The following SSX2IP variants were observed in gnomAD, a reference collection of about 807,000 sequenced individuals.
The protein encoded by SSX2IP is SSX family member 2 interacting protein.
Under a neutral mutation model 84.9 loss-of-function variants are expected in SSX2IP, and 55 were observed. The ratio of observed to expected loss-of-function variants is 0.65; its 90% CI spans 0.52 to 0.81. SSX2IP has a LOEUF of 0.81. Among genes scored for constraint, SSX2IP ranks in the 30% least tolerant of loss-of-function variants. The pLI is 0.00. For missense variants in SSX2IP, 664 were observed against 705.2 expected (o/e 0.94, Z 0.66); for synonymous variants, 239 against 234.7 (o/e 1.02, Z -0.17).
At chr1:84,690,471 G>C (rs893386656), upstream of SSX2IP, 1 of 151,532 alleles carries the variant, frequency 6.6e-6, no homozygotes, top group Admixed American at 6.6e-5. Context: ...TCCCGCCCGC[G>C]GCCCCTCCTC....
chr1:84,651,455 C>T lies in SSX2IP; in HGVS notation c.1504+428G>A, dbSNP rs997044930. Among the ~76,000 whole-genome samples, 6 of 152,300 alleles carry T rather than the reference C, an allele frequency of 3.9e-5. No individual in the cohort carries two copies. In the South Asian group the frequency reaches 6.2e-4, roughly 16 times the overall value. On this transcript the variant is annotated intron_variant, in intron 12 of 13. Coordinates refer to ENST00000342203, the MANE Select transcript of SSX2IP (RefSeq NM_001166293.2). ...TATTAAAGTTGATTTTTAGGCCAGGCGCAGTGGCTCATGCCTAATCCCAGC... is the reference window on the plus strand; with the variant it reads ...TATTAAAGTTGATTTTTAGGCCAGGTGCAGTGGCTCATGCCTAATCCCAGC...
chr1:84,645,907 T>C lies in SSX2IP; in HGVS notation c.*1526A>G, dbSNP rs1429714419. The C allele has an allele frequency of 6.6e-6, 1 of 152,188 alleles. No individual in the cohort carries two copies. Among genetic ancestry groups the C allele is most frequent in the African/African-American group, 2.4e-5 (1 of 41,454 alleles). 9.4% of individuals were successfully genotyped at this position (152,188 alleles called of 1,614,324 possible). ...ACTATAAATATGGTTACTATGAGTATATCCACTAATGTCTCATAAGACACT... is the reference window on the plus strand; with the variant it reads ...ACTATAAATATGGTTACTATGAGTACATCCACTAATGTCTCATAAGACACT... On this transcript the variant is annotated 3_prime_UTR_variant, in exon 14 of 14. Coordinates refer to ENST00000342203, the MANE Select transcript of SSX2IP (RefSeq NM_001166293.2).
chr1:84,653,965 G>A (rs1650710240), intron 11 of SSX2IP, among the ~76,000 whole-genome samples: 1 of 152,052 alleles, frequency 6.6e-6, no homozygotes. Context: ...AAATTCTGAA[G>A]CAAAGACTCA....
At chr1:84,680,309 T>C (rs1276682356) in intron 1 of SSX2IP, 2 of 152,228 alleles carry the variant, frequency 1.3e-5, no homozygotes, top group Non-Finnish European at 2.9e-5. Flanking sequence ...CCAGACCATC[T>C]GGTTCCAAAC....
intron 1 of SSX2IP, among the ~76,000 whole-genome samples, chr1:84,674,365 C>T (rs187540230): frequency 1.0e-3 from 156 of 152,102 alleles, no homozygotes; most frequent in African/African-American, 3.6e-3. Context: ...CAAAATGTAC[C>T]GCTGCTCTTA....
At chr1:84,690,734 GCAGCTGCGGCTGCGGCAC>G (rs1189714625), upstream of SSX2IP, 1 of 151,724 alleles carries the variant, frequency 6.6e-6, no homozygotes, top group Non-Finnish European at 1.5e-5. Context: ...CGCTGCGGGC[GCAGCTGCGGCTGCGGCAC>G]CTGTTACGCC....
In SSX2IP at chr1:84,671,269, A is replaced by G; in HGVS notation, c.-50T>C. On this transcript the variant is annotated 5_prime_UTR_variant, in exon 2 of 14. It removes an upstream start codon present in the reference 5' UTR. Coordinates refer to ENST00000342203, the MANE Select transcript of SSX2IP (RefSeq NM_001166293.2). Reference sequence around the variant, plus strand: ...TGAGGAACTAGTTCAGCAGTTAAACATTTAGTCTAGCTGCTGTCACTCTTC... The same window carrying G: ...TGAGGAACTAGTTCAGCAGTTAAACGTTTAGTCTAGCTGCTGTCACTCTTC... 1 of 1,601,084 alleles carries G rather than the reference A, an allele frequency of 6.2e-7. No individual in the cohort carries two copies. The highest frequency in any genetic ancestry group is 1.3e-5 in the African/African-American group (1 of 74,436).
At chr1:84,687,452 G>C (rs145521538) in intron 1 of SSX2IP, among the ~76,000 whole-genome samples, 2 of 152,210 alleles carry the variant, frequency 1.3e-5, no homozygotes, top group African/African-American at 2.4e-5. Context: ...TTATAACTGT[G>C]TTATTTCTCC....
In SSX2IP at chr1:84,647,408, A is replaced by G; in HGVS notation, c.*25T>C. 6.5e-7 allele frequency: 1 copy of G among 1,538,684 alleles called. No individual in the cohort carries two copies. ...GATGTGAAACTTGATGAACACATTA[A>G]TGAAAAAAATTCCAGTCCACATGTC... On this transcript the variant is annotated 3_prime_UTR_variant, in exon 14 of 14. Transcript: ENST00000342203.
At chr1:84,671,389 G>T in intron 1 of SSX2IP, 81 bp from the exon 2 acceptor site, 1 of 1,236,728 alleles carries the variant, frequency 8.1e-7, no homozygotes, top group African/African-American at 1.5e-5. Flanking sequence ...AGAATTAGTT[G>T]TATGTGCTTC....
Position 84,656,410 on chromosome 1 carries a change from T to C in SSX2IP, c.1153A>G (p.Lys385Glu). ...CACTGCTGAATTTCTAACTCGAGTT[T>C]TTCAGTTTCTTGTTCATGGTCTTGT... ...SRQDHEQETE[K>E]LELEIQQCKE... The change falls in exon 10 of 14, where the codon AAA becomes GAA. Residue 385 changes from lysine to glutamate, a missense_variant. Lys to Glu is a moderately conservative substitution (Grantham distance 56). Transcript: ENST00000342203. 2 of 1,613,630 alleles carry C rather than the reference T, an allele frequency of 1.2e-6. No homozygotes were observed. Among genetic ancestry groups the C allele is most frequent in the Non-Finnish European group, 1.7e-6 (2 of 1,179,794 alleles).
At chr1:84,683,666 T>C (rs2102596818) in intron 1 of SSX2IP, among the ~76,000 whole-genome samples, 1 of 152,348 alleles carries the variant, frequency 6.6e-6, no homozygotes. Flanking sequence ...TCAAGATTGC[T>C]GAATGAATGT....
At chr1:84,655,268 T>A (rs1650907846) in intron 11 of SSX2IP, 22 of 978,590 alleles carry the variant, frequency 2.2e-5, no homozygotes, top group Non-Finnish European at 2.8e-5. Flanking sequence ...GAAAGGAGGA[T>A]ACTTTCTTAC....
rs943524342 is a variant in SSX2IP at position 84,644,435 on chromosome 1, T to C, written c.*2998A>G. 6.6e-6 allele frequency: 1 copy of C among 152,196 alleles called. No homozygotes were observed. Among genetic ancestry groups the C allele is most frequent in the African/African-American group, 2.4e-5 (1 of 41,454 alleles). 9.4% of individuals were successfully genotyped at this position (152,196 alleles called of 1,614,324 possible). A position where few individuals can be genotyped will look rare whatever the true frequency, so the allele number is the denominator to read the frequency against. On this transcript the variant is annotated 3_prime_UTR_variant, in exon 14 of 14. Transcript: ENST00000342203. ...GTAGTAAGCCTTGACATACAGCAGG[T>C]ACTTAATAAATGCTTACCAAAAGAC...
intron 5 of SSX2IP, 48 bp from the exon 6 acceptor site, chr1:84,664,600 T>A (rs201219733): frequency 6.8e-7 from 1 of 1,466,692 alleles, no homozygotes; most frequent in Non-Finnish European, 9.0e-7. Flanking sequence ...TTCACAAATT[T>A]GAAAGAGAAA....
At chr1:84,655,515 C>G (rs1182396621) in intron 11 of SSX2IP, 29 of 1,334,910 alleles carry the variant, frequency 2.2e-5, no homozygotes, top group Non-Finnish European at 2.6e-5. Context: ...GACACCACAC[C>G]TACTGACCGT....
intron 9 of SSX2IP, among the ~76,000 whole-genome samples, chr1:84,657,828 C>T (rs1477106087): frequency 1.3e-5 from 2 of 152,284 alleles, no homozygotes; most frequent in East Asian, 1.9e-4. Context: ...TCAAACCTCA[C>T]ATCTAAATGT....
chr1:84,652,232 A>G, intron 11 of SSX2IP: 1 of 399,238 alleles, frequency 2.5e-6, no homozygotes, highest in African/African-American at 2.0e-5. Context: ...AAACCAGCCT[A>G]GGCAACACGG....
intron 13 of SSX2IP, 75 bp downstream of exon 13, chr1:84,650,287 A>G (rs1650027854): frequency 7.0e-7 from 1 of 1,436,512 alleles, no homozygotes; most frequent in Admixed American, 1.7e-5. Context: ...TACTACAGAC[A>G]TGCCACCTTT....
Sources: gnomAD v4.1 joint callset for allele counts (sites outside exome capture counted in the v4.1 genomes callset) on GRCh38, gnomAD v4.1.1 for gene constraint, MANE v1.5 for transcripts, NCBI Gene and HGNC (gene_info 2026-07-23, HGNC 2026-07-21) for gene names.